The following CDH4 variants were observed in gnomAD, a reference collection of about 807,000 sequenced individuals.
The protein encoded by CDH4 is cadherin-4.
Under a neutral mutation model 86.0 loss-of-function variants are expected in CDH4, and 33 were observed. That is an observed-to-expected ratio of 0.38 (90% CI 0.29 to 0.51). The LOEUF is 0.51. CDH4 is among the 20% of genes least tolerant of loss of function. The probability of loss-of-function intolerance (pLI) is 0.86; values close to 1 mark genes in which losing one functional copy is unlikely to be tolerated. For synonymous variants in CDH4, 555 were observed against 549.4 expected, an observed-to-expected ratio of 1.01 and a Z score of -0.14; for missense variants, 1,114 against 1,307.4, an observed-to-expected ratio of 0.85 and a Z score of 2.28.
intron 2 of CDH4, among the ~76,000 whole-genome samples, chr20:61,727,662 C>T (rs546744111): frequency 6.6e-6 from 1 of 152,156 alleles, no homozygotes; most frequent in Non-Finnish European, 1.5e-5. Context: ...CAAAGGAGAC[C>T]ATAGGTGTGC....
intron 2 of CDH4, among the ~76,000 whole-genome samples, chr20:61,264,733 C>T (rs2084147376): frequency 1.4e-5 from 2 of 146,136 alleles, no homozygotes; most frequent in East Asian, 2.2e-4. Flanking sequence ...CCCAGTGGCT[C>T]CTTCATTCAG....
chr20:61,306,744 G>A (rs541354556), intron 2 of CDH4, among the ~76,000 whole-genome samples: 1 of 152,276 alleles, frequency 6.6e-6, no homozygotes, highest in East Asian at 1.9e-4. Context: ...GGCCAGCACC[G>A]ACCAGTCAAA....
chr20:61,528,808 C>T (rs569733451), intron 2 of CDH4, among the ~76,000 whole-genome samples: 2 of 151,150 alleles, frequency 1.3e-5, no homozygotes, highest in East Asian at 2.0e-4. Context: ...GCTGCTCTCC[C>T]GTGTCTGGCC....
intron 7 of CDH4, among the ~76,000 whole-genome samples, chr20:61,885,300 TCC>T (rs1259756838): frequency 6.6e-6 from 1 of 152,092 alleles, no homozygotes; most frequent in African/African-American, 2.4e-5. Context: ...TCTCCTCGAC[TCC>T]CTTACCCCCA....
At chr20:61,607,178 A>AATG (rs1372191803) in intron 2 of CDH4, among the ~76,000 whole-genome samples, 1 of 152,142 alleles carries the variant, frequency 6.6e-6, no homozygotes, top group Non-Finnish European at 1.5e-5. Flanking sequence ...CACACCCCTC[A>AATG]ATGTAGGACC....
At chr20:61,769,060 C>T (rs2088739976) in intron 3 of CDH4, among the ~76,000 whole-genome samples, 1 of 152,160 alleles carries the variant, frequency 6.6e-6, no homozygotes, top group Non-Finnish European at 1.5e-5. Context: ...TGCAGATGCC[C>T]AGAGGGCCCC....
At chr20:61,378,483 G>A (rs750353038) in intron 2 of CDH4, among the ~76,000 whole-genome samples, 5 of 152,060 alleles carry the variant, frequency 3.3e-5, no homozygotes, top group South Asian at 2.1e-4. Context: ...TGCTGGCTCC[G>A]GCTTTCCTTG....
At chr20:61,565,265 G>GGTGGTA (rs1555809158) in intron 2 of CDH4, among the ~76,000 whole-genome samples, 2 of 21,742 alleles carry the variant, frequency 9.2e-5, no homozygotes, top group Non-Finnish European at 1.5e-4. Context: ...TGATGGTGGT[G>GGTGGTA]GTGGTCCTCT....
intron 2 of CDH4, among the ~76,000 whole-genome samples, chr20:61,610,150 C>T (rs1167160091): frequency 6.6e-6 from 1 of 152,152 alleles, no homozygotes; most frequent in Admixed American, 6.5e-5. Context: ...CTCAACCCCC[C>T]AGACACACTC....
intron 4 of CDH4, among the ~76,000 whole-genome samples, chr20:61,794,183 C>G (rs1979396870): frequency 6.7e-6 from 1 of 150,124 alleles, no homozygotes; most frequent in African/African-American, 2.5e-5. Flanking sequence ...AAGTGAATAC[C>G]TCTCACCCTG....
intron 2 of CDH4, among the ~76,000 whole-genome samples, chr20:61,515,981 G>A (rs138221182): frequency 1.3e-5 from 2 of 152,108 alleles, no homozygotes; most frequent in Admixed American, 6.5e-5. Context: ...TTTCCTGGCT[G>A]CTCCAGGGTA....
intron 2 of CDH4, among the ~76,000 whole-genome samples, chr20:61,701,360 A>G (rs1004762250): frequency 3.3e-5 from 5 of 152,224 alleles, no homozygotes; most frequent in African/African-American, 1.2e-4. Flanking sequence ...TGAACCCATA[A>G]CAAGCGAGTG....
At chr20:61,405,200 G>A (rs1158585789) in intron 2 of CDH4, among the ~76,000 whole-genome samples, 1 of 151,854 alleles carries the variant, frequency 6.6e-6, no homozygotes, top group East Asian at 1.9e-4. Flanking sequence ...CCCGGGATGC[G>A]CTGCGTATCT....
intron 6 of CDH4, among the ~76,000 whole-genome samples, chr20:61,857,460 A>T (rs1983069407): frequency 6.6e-6 from 1 of 152,124 alleles, no homozygotes; most frequent in East Asian, 1.9e-4. Flanking sequence ...GTTCCCTCCA[A>T]AAAAAAACAA....
At chr20:61,846,100 GGCACCGTCTGAA>G (rs1982439901) in intron 5 of CDH4, among the ~76,000 whole-genome samples, 1 of 152,378 alleles carries the variant, frequency 6.6e-6, no homozygotes, top group African/African-American at 2.4e-5. Flanking sequence ...CAGCCCCTGA[GGCACCGTCTGAA>G]GCAGGGTCGG....
intron 11 of CDH4, among the ~76,000 whole-genome samples, chr20:61,926,766 G>T (rs545052424): frequency 6.6e-6 from 1 of 152,258 alleles, no homozygotes; most frequent in South Asian, 2.1e-4. Context: ...CCAGCTATTC[G>T]GGAGGCTGAG....
chr20:61,421,990 G>T (rs6089292), intron 2 of CDH4, among the ~76,000 whole-genome samples: 1 of 152,102 alleles, frequency 6.6e-6, no homozygotes, highest in East Asian at 1.9e-4. Flanking sequence ...ACAGGCCGCG[G>T]CTATCACCAG....
intron 6 of CDH4, among the ~76,000 whole-genome samples, chr20:61,855,152 A>G (rs1182277032): frequency 8.7e-6 from 1 of 114,878 alleles, no homozygotes; most frequent in African/African-American, 3.5e-5. Context: ...CCCTTGGCCC[A>G]CCCCCAGGGC....
chr20:61,895,071 T>G (rs1222605176), intron 8 of CDH4, 24 bp downstream of exon 8: 1 of 1,611,696 alleles, frequency 6.2e-7, no homozygotes, highest in Non-Finnish European at 8.5e-7. Context: ...AGCTGCCCAG[T>G]GACGCATGGC....
Sources: gnomAD v4.1 joint callset for allele counts (sites outside exome capture counted in the v4.1 genomes callset) on GRCh38, gnomAD v4.1.1 for gene constraint, MANE v1.5 for transcripts, NCBI Gene and HGNC (gene_info 2026-07-23, HGNC 2026-07-21) for gene names.